The following CHN1 variants were observed in gnomAD, a reference collection of about 807,000 sequenced individuals.
The protein encoded by CHN1 is chimerin 1, also known as N-chimaerin.
CHN1 carries 37 observed loss-of-function variants against 59.5 expected under a neutral mutation model. The ratio of observed to expected loss-of-function variants is 0.62; its 90% CI spans 0.48 to 0.82. CHN1 has a LOEUF of 0.82. Among genes scored for constraint, CHN1 ranks in the 40% least tolerant of loss-of-function variants. The pLI, the probability that CHN1 is intolerant of heterozygous loss-of-function variation, is 0.00. For missense variants in CHN1, 469 were observed against 571.0 expected (o/e 0.82, Z 1.82); for synonymous variants, 206 against 200.4 (o/e 1.03, Z -0.24).
At chr2:174,952,087 G>T in intron 2 of CHN1, 77 bp downstream of exon 2, 2 of 879,500 alleles carry the variant, frequency 2.3e-6, no homozygotes, top group Non-Finnish European at 3.2e-6. Context: ...AATGGAATGA[G>T]TATTTCTATC....
chr2:174,845,933 G>A (rs187128626), intron 7 of CHN1, among the ~76,000 whole-genome samples: 303 of 152,154 alleles, frequency 2.0e-3, no homozygotes, highest in Admixed American at 3.5e-3. Flanking sequence ...ATAAATGAAA[G>A]ATCATGATTT....
intron 4 of CHN1, 48 bp from the exon 5 acceptor site, chr2:174,915,219 T>C: frequency 2.2e-6 from 3 of 1,336,092 alleles, no homozygotes; most frequent in Non-Finnish European, 3.2e-6. Context: ...CATTTTTCAA[T>C]AAAACAAGAT....
intron 6 of CHN1, 59 bp from the exon 7 acceptor site, chr2:174,847,016 C>CCCAGTTTCATT: frequency 6.4e-7 from 1 of 1,551,582 alleles, no homozygotes; most frequent in Non-Finnish European, 8.7e-7. Context: ...CTTTGGAGAA[C>CCCAGTTTCATT]CCAGTTTCAT....
At chr2:174,917,128 G>A (rs767518542) in intron 4 of CHN1, among the ~76,000 whole-genome samples, 3 of 152,102 alleles carry the variant, frequency 2.0e-5, no homozygotes, top group Non-Finnish European at 2.9e-5. Flanking sequence ...AGGAGGTTTT[G>A]TAATTTTTAA....
At chr2:174,912,720 G>A (rs1209594335) in intron 5 of CHN1, among the ~76,000 whole-genome samples, 3 of 152,150 alleles carry the variant, frequency 2.0e-5, no homozygotes, top group Non-Finnish European at 4.4e-5. Context: ...TTCAGACTTT[G>A]CTTAACACTT....
At chr2:174,952,765 TG>T (rs1690062681) in intron 1 of CHN1, among the ~76,000 whole-genome samples, 1 of 152,144 alleles carries the variant, frequency 6.6e-6, no homozygotes, top group Admixed American at 6.5e-5. Flanking sequence ...AACACTTCAA[TG>T]GAAGAGAGTG....
At chr2:174,855,666 C>T (rs564514620) in intron 6 of CHN1, among the ~76,000 whole-genome samples, 4 of 152,108 alleles carry the variant, frequency 2.6e-5, no homozygotes, top group African/African-American at 7.2e-5. Flanking sequence ...TTGCATAACA[C>T]GGTACTAGTA....
rs765369410 is a variant in CHN1 at position 175,005,262 on chromosome 2, C to T, written c.-350G>A. ...TGGCTGGCGGAGAGGCGGCGCCGCA[C>T]TGGCGGCGGCGGCGGCGGCGACGGG... On this transcript the variant is annotated 5_prime_UTR_variant, in exon 1 of 13. It adds an upstream start codon to the 5' untranslated region. Transcript: ENST00000409900. 1.4e-5 allele frequency: 17 copies of T among 1,173,430 alleles called. No individual in the cohort carries two copies. Among genetic ancestry groups the T allele is most frequent in the South Asian group, 2.1e-5 (1 of 46,880 alleles). 72.7% of individuals were successfully genotyped at this position (1,173,430 alleles called of 1,614,324 possible). A position where few individuals can be genotyped will look rare whatever the true frequency, so the allele number is the denominator to read the frequency against.
chr2:174,922,837 G>A (rs897518000), intron 3 of CHN1, among the ~76,000 whole-genome samples: 4 of 151,840 alleles, frequency 2.6e-5, no homozygotes, highest in Non-Finnish European at 5.9e-5. Flanking sequence ...AGACTAACAT[G>A]GCAAAATCAT....
intron 5 of CHN1, among the ~76,000 whole-genome samples, chr2:174,908,675 C>T (rs1688608690): frequency 6.6e-6 from 1 of 152,148 alleles, no homozygotes; most frequent in South Asian, 2.1e-4. Flanking sequence ...GCTTCAATGT[C>T]TTCTTTCTTG....
chr2:174,975,980 G>C (rs915411491), intron 1 of CHN1, among the ~76,000 whole-genome samples: 84 of 150,770 alleles, frequency 5.6e-4, no homozygotes, highest in African/African-American at 1.9e-3. Context: ...AAAAAAATTA[G>C]CCGGGCATGG....
At chr2:174,999,268 A>G (rs1691808998) in intron 1 of CHN1, among the ~76,000 whole-genome samples, 1 of 152,118 alleles carries the variant, frequency 6.6e-6, no homozygotes, top group Non-Finnish European at 1.5e-5. Flanking sequence ...CCTTGAATTG[A>G]GTTTGCACAG....
intron 3 of CHN1, among the ~76,000 whole-genome samples, chr2:174,935,519 C>A (rs963869528): frequency 1.3e-5 from 2 of 152,234 alleles, no homozygotes; most frequent in Non-Finnish European, 2.9e-5. Context: ...CTATACTACA[C>A]ACCAGTCAGC....
intron 5 of CHN1, among the ~76,000 whole-genome samples, chr2:174,899,502 T>C (rs1405059012): frequency 6.6e-6 from 1 of 152,220 alleles, no homozygotes; most frequent in Non-Finnish European, 1.5e-5. Flanking sequence ...CCTATTATTG[T>C]ATCACCAACA....
At chr2:174,970,503 G>C (rs1172285748) in intron 1 of CHN1, among the ~76,000 whole-genome samples, 6 of 152,166 alleles carry the variant, frequency 3.9e-5, no homozygotes, top group Non-Finnish European at 7.3e-5. Context: ...GAGCTTGACA[G>C]TTTGTTAATA....
Position 174,888,955 on chromosome 2 carries a change from A to C in CHN1, c.261-10827T>G, listed in dbSNP as rs1687971171. On this transcript the variant is annotated intron_variant, in intron 5 of 12. Coordinates refer to ENST00000409900, the MANE Select transcript of CHN1 (RefSeq NM_001822.7). Reference sequence around the variant, plus strand: ...CAAAAGGTGGGAGGGAGAAGAGTGGAGTATGAATATGGTGTTCCAACTTTT... The same window carrying C: ...CAAAAGGTGGGAGGGAGAAGAGTGGCGTATGAATATGGTGTTCCAACTTTT... Among the ~76,000 whole-genome samples the C allele has an allele frequency of 2.0e-5, 3 of 152,140 alleles. No homozygotes were observed. The South Asian group carries it at 6.2e-4, about 32-fold the overall frequency.
At chr2:174,967,386 A>C (rs201398741) in intron 1 of CHN1, among the ~76,000 whole-genome samples, 1 of 152,154 alleles carries the variant, frequency 6.6e-6, no homozygotes, top group Non-Finnish European at 1.5e-5. Context: ...TTAAAATGCA[A>C]TATGTTTATG....
intron 6 of CHN1, among the ~76,000 whole-genome samples, chr2:174,866,039 A>C (rs1299639973): frequency 6.6e-6 from 1 of 152,222 alleles, no homozygotes; most frequent in Non-Finnish European, 1.5e-5. Context: ...CCCATTAAAA[A>C]GTTGGTTATT....
intron 11 of CHN1, 176 bp from the exon 12 acceptor site, chr2:174,801,988 G>C (rs968485811): frequency 2.8e-5 from 14 of 494,298 alleles, no homozygotes; most frequent in Non-Finnish European, 4.4e-5. Context: ...ATTTCCAAAG[G>C]CTCTTAGTTT....
Sources: gnomAD v4.1 joint callset for allele counts (sites outside exome capture counted in the v4.1 genomes callset) on GRCh38, gnomAD v4.1.1 for gene constraint, MANE v1.5 for transcripts, NCBI Gene and HGNC (gene_info 2026-07-23, HGNC 2026-07-21) for gene names.